Variants in NEMP2 observed in about 807,000 individuals in gnomAD.
The protein encoded by NEMP2 is UPF0571 transmembrane protein.
In NEMP2, 53 loss-of-function variants were observed where a neutral mutation model predicts 54.2. The ratio of observed to expected loss-of-function variants is 0.98; its 90% CI spans 0.78 to 1.23. The LOEUF is 1.23. Among genes scored for constraint, NEMP2 ranks in the 50% most tolerant of loss-of-function variants. The pLI, the probability that NEMP2 is intolerant of heterozygous loss-of-function variation, is 0.00. For missense variants in NEMP2, 455 were observed against 511.3 expected, an observed-to-expected ratio of 0.89 and a Z score of 1.06; for synonymous variants, 197 against 190.3, an observed-to-expected ratio of 1.04 and a Z score of -0.29.
the NEMP2 span, among the ~76,000 whole-genome samples, chr2:190,612,617 A>G: frequency 6.6e-6 from 1 of 152,240 alleles, no homozygotes; most frequent in Non-Finnish European, 1.5e-5. Context: ...TAACACTCCA[A>G]AATAAATTGA....
chr2:190,436,140 G>A, the NEMP2 span: 28 of 1,614,046 alleles, frequency 1.7e-5, no homozygotes, highest in African/African-American at 6.7e-5. This position sits in a 1 kb window ranked among gnomAD's most constrained non-coding sequence, Gnocchi z 5.3. Context: ...AACCACCTTC[G>A]AATGAAACAC....
At chr2:190,516,769 A>G (rs1690572578) in intron 5 of NEMP2, among the ~76,000 whole-genome samples, 1 of 152,228 alleles carries the variant, frequency 6.6e-6, no homozygotes, top group African/African-American at 2.4e-5. Context: ...TGAATTATTT[A>G]TCCTCAACTA....
the NEMP2 span, among the ~76,000 whole-genome samples, chr2:190,472,078 A>C: frequency 6.6e-6 from 1 of 152,286 alleles, no homozygotes; most frequent in Admixed American, 6.5e-5. Flanking sequence ...TCCACACCAA[A>C]ACCCCATCTG....
At position 190,521,460 on chromosome 2, in the gene NEMP2, C is replaced by T. The variant is rs1216268652; in HGVS notation, c.214-2277G>A. Among the ~76,000 whole-genome samples the T allele has an allele frequency of 2.6e-5, 4 of 152,204 alleles. No homozygotes were observed. The highest frequency in any genetic ancestry group is 2.0e-4 in the Admixed American group (3 of 15,284). ...TGCCTACTCAAGGACATCCCAGCAG[C>T]AGTTCTTCCCTCTCTACGAGATTAT... is the stretch of plus-strand genomic sequence containing the variant. On this transcript the variant is annotated intron_variant, in intron 2 of 8. Transcript: ENST00000409150. The surrounding 1 kb of genome is among the most constrained non-coding windows in gnomAD (Gnocchi z 6.2).
the NEMP2 span, among the ~76,000 whole-genome samples, chr2:190,593,487 G>A: frequency 1.3e-5 from 2 of 152,304 alleles, no homozygotes; most frequent in East Asian, 3.9e-4. The surrounding 1 kb of genome is among the most constrained non-coding windows in gnomAD (Gnocchi z 4.5). Flanking sequence ...TGAGGGAAGA[G>A]TGAAGAGTCT....
the NEMP2 span, among the ~76,000 whole-genome samples, chr2:190,616,221 A>T: frequency 6.6e-6 from 1 of 152,196 alleles, no homozygotes; most frequent in East Asian, 1.9e-4. This position sits in a 1 kb window ranked among gnomAD's most constrained non-coding sequence, Gnocchi z 5.1. Context: ...CTTAGAGAAA[A>T]ACCCCAGCCC....
At chr2:190,589,212 TC>T in the NEMP2 span, among the ~76,000 whole-genome samples, 1 of 152,174 alleles carries the variant, frequency 6.6e-6, no homozygotes. The surrounding 1 kb of genome is among the most constrained non-coding windows in gnomAD (Gnocchi z 4.3). Flanking sequence ...ACCCAGAGAT[TC>T]CCCCTTGAGG....
upstream of NEMP2, among the ~76,000 whole-genome samples, chr2:190,537,353 C>T (rs543005173): frequency 5.3e-5 from 8 of 152,238 alleles, no homozygotes; most frequent in African/African-American, 1.7e-4. Context: ...CCCCACACAT[C>T]GTGGGAGGGA....
At chr2:190,537,587 T>A (rs1036212171), upstream of NEMP2, among the ~76,000 whole-genome samples, 6 of 152,208 alleles carry the variant, frequency 3.9e-5, no homozygotes, top group Non-Finnish European at 5.9e-5. Context: ...CTTTCCTTTA[T>A]AAATTATGGG....
chr2:190,514,469 A>G lies in NEMP2; in HGVS notation c.937T>C (p.Cys313Arg), dbSNP rs1209925654. Residue 313 changes from cysteine (C) to arginine (R), a missense_variant, in exon 7 of 9, where the codon TGC (cysteine) becomes CGC (arginine). By Grantham distance (180) the Cys-to-Arg change is radical. This residue lies in a region of NEMP2 where 294 missense variants were observed against 333.6 expected (regional missense o/e 0.88). Coordinates refer to ENST00000409150, the MANE Select transcript of NEMP2 (RefSeq NM_001142645.2). The surrounding 1 kb of genome is among the most constrained non-coding windows in gnomAD (Gnocchi z 5.7). ...SWSLHYPLRACSYMRWKMEQW... is the reference protein window; with the variant it reads ...SWSLHYPLRARSYMRWKMEQW... Reference sequence around the variant, plus strand: ...GATACATACCACCTCATATAACTGCATGCTCTCAGTGGGTAGTGCAGACTC... The same window carrying G: ...GATACATACCACCTCATATAACTGCGTGCTCTCAGTGGGTAGTGCAGACTC... The G allele has an allele frequency of 1.9e-6, 3 of 1,551,218 alleles. No homozygotes were observed. The highest frequency in any genetic ancestry group is 2.6e-6 in the Non-Finnish European group (3 of 1,146,968).
the NEMP2 span, among the ~76,000 whole-genome samples, chr2:190,493,642 A>T: frequency 6.6e-6 from 1 of 152,228 alleles, no homozygotes; most frequent in African/African-American, 2.4e-5. Context: ...GTCTCAATAA[A>T]TTTAAGAAAA....
chr2:190,594,634 G>A, the NEMP2 span, among the ~76,000 whole-genome samples: 2 of 152,250 alleles, frequency 1.3e-5, no homozygotes, highest in African/African-American at 4.8e-5. This position sits in a 1 kb window ranked among gnomAD's most constrained non-coding sequence, Gnocchi z 5.6. Flanking sequence ...GGAGGGCAGT[G>A]GTGTGATCAC....
the NEMP2 span, chr2:190,442,700 T>C: frequency 2.0e-5 from 3 of 152,062 alleles, no homozygotes; most frequent in Admixed American, 1.3e-4. Context: ...AAAAATCTAA[T>C]AGGAAATTCA....
the NEMP2 span, among the ~76,000 whole-genome samples, chr2:190,591,471 C>CTGCGTGTGTG: frequency 2.0e-5 from 3 of 152,024 alleles, no homozygotes; most frequent in African/African-American, 7.2e-5. This position sits in a 1 kb window ranked among gnomAD's most constrained non-coding sequence, Gnocchi z 5.4. Flanking sequence ...CTAGCTTGCT[C>CTGCGTGTGTG]TGCGTGTGTG....
At chr2:190,488,764 G>C in the NEMP2 span, 1 of 1,609,506 alleles carries the variant, frequency 6.2e-7, no homozygotes, top group Non-Finnish European at 8.5e-7. This position sits in a 1 kb window ranked among gnomAD's most constrained non-coding sequence, Gnocchi z 6.4. Context: ...CCTTCACCTG[G>C]GTTTGGGAAG....
the NEMP2 span, among the ~76,000 whole-genome samples, chr2:190,591,158 T>C: frequency 6.6e-6 from 1 of 152,294 alleles, no homozygotes; most frequent in Admixed American, 6.5e-5. This position sits in a 1 kb window ranked among gnomAD's most constrained non-coding sequence, Gnocchi z 5.4. Flanking sequence ...GGAGAAATTT[T>C]GTGTTTTCTT....
At position 190,506,042 on chromosome 2, in the gene NEMP2, ATCAAG is replaced by A. The variant is rs1207850258; in HGVS notation, c.*3142_*3146del. ...TTCTGAGAGAGAATCTGCTGGTCAT[ATCAAG>A]TCAAGTGTTTTTATCCTTATGCTAG... is the stretch of plus-strand genomic sequence containing the variant. On this transcript the variant is annotated 3_prime_UTR_variant, in exon 9 of 9. Transcript: ENST00000409150. This position sits in a 1 kb window ranked among gnomAD's most constrained non-coding sequence, Gnocchi z 6.3. The A allele has an allele frequency of 2.0e-5, 3 of 152,350 alleles. No homozygotes were observed. The highest frequency in any genetic ancestry group is 1.9e-4 in the East Asian group (1 of 5,192). 9.4% of individuals were successfully genotyped at this position (152,350 alleles called of 1,614,324 possible).
the NEMP2 span, chr2:190,497,411 A>C: frequency 6.3e-7 from 1 of 1,599,684 alleles, no homozygotes; most frequent in Non-Finnish European, 8.5e-7. The surrounding 1 kb of genome is among the most constrained non-coding windows in gnomAD (Gnocchi z 5.2). Flanking sequence ...ATGCTGAAAA[A>C]ATAGTTTAAA....
the NEMP2 span, among the ~76,000 whole-genome samples, chr2:190,427,123 TG>T: frequency 5.9e-5 from 9 of 152,364 alleles, no homozygotes; most frequent in South Asian, 1.9e-3. Context: ...CTGTAACTCC[TG>T]ACATCACCCC....
Sources: allele counts gnomAD v4.1 joint callset (sites outside exome capture counted in the v4.1 genomes callset), GRCh38; gene constraint gnomAD v4.1.1; regional missense constraint gnomAD v4.1.1; non-coding constraint Gnocchi (gnomAD v3.1); transcripts MANE v1.5; gene names NCBI Gene and HGNC (gene_info 2026-07-23, HGNC 2026-07-21).